Variants in FKBP5 observed in about 807,000 individuals in gnomAD.
The protein encoded by FKBP5 is FKBP prolyl isomerase 5, also known as peptidyl-prolyl cis-trans isomerase FKBP5.
In FKBP5, 23 loss-of-function variants were observed where a neutral mutation model predicts 50.5. The ratio of observed to expected loss-of-function variants is 0.46; its 90% CI spans 0.33 to 0.65. FKBP5 has a LOEUF of 0.65. FKBP5 is among the 30% of genes least tolerant of loss of function. FKBP5 has a pLI of 0.02. For missense variants in FKBP5, 411 were observed against 553.1 expected, an observed-to-expected ratio of 0.74 and a Z score of 2.58; for synonymous variants, 176 against 190.6, an observed-to-expected ratio of 0.92 and a Z score of 0.63.
intron 3 of FKBP5, among the ~76,000 whole-genome samples, chr6:35,633,404 G>A (rs758060868): frequency 3.9e-5 from 6 of 151,950 alleles, no homozygotes; most frequent in South Asian, 2.1e-4. Flanking sequence ...TTAGCCAAGC[G>A]TGGTGGGGCG....
chr6:35,658,567 C>T (rs1765022240), intron 1 of FKBP5, among the ~76,000 whole-genome samples: 1 of 152,052 alleles, frequency 6.6e-6, no homozygotes, highest in Non-Finnish European at 1.5e-5. Context: ...TCCTAGTTTG[C>T]TGAGTTTTCA....
At chr6:35,725,453 GT>G (rs1336619072) in intron 1 of FKBP5, among the ~76,000 whole-genome samples, 1 of 152,206 alleles carries the variant, frequency 6.6e-6, no homozygotes, top group Admixed American at 6.5e-5. Context: ...TCCAGACCTG[GT>G]GTGGAGACTC....
At chr6:35,614,341 G>C (rs948601183) in intron 5 of FKBP5, among the ~76,000 whole-genome samples, 1 of 152,100 alleles carries the variant, frequency 6.6e-6, no homozygotes, top group African/African-American at 2.4e-5. Flanking sequence ...AAGGATGAGG[G>C]GGAAATGACA....
chr6:35,620,819 T>A (rs965812565), intron 3 of FKBP5, among the ~76,000 whole-genome samples: 1 of 152,170 alleles, frequency 6.6e-6, no homozygotes, highest in African/African-American at 2.4e-5. Context: ...AAAAATTAAG[T>A]CTTTGAAAAC....
In FKBP5 at chr6:35,577,028, T is replaced by C. The variant is rs747710519; in HGVS notation, c.1232A>G (p.Asn411Ser). 5 of 1,614,090 alleles carry C rather than the reference T, an allele frequency of 3.1e-6. No homozygotes were observed. The highest frequency in any genetic ancestry group is 1.3e-5 in the African/African-American group (1 of 74,938). The change falls in exon 10 of 11, where the codon AAC (asparagine) becomes AGC (serine). Residue 411 changes from asparagine to serine, a missense_variant. Asn to Ser is a conservative substitution (Grantham distance 46, BLOSUM62 1). This residue lies in a region of FKBP5 where 88 missense variants were observed against 89.0 expected (regional missense o/e 0.99). Transcript: ENST00000357266. ...HNERDRRIYANMFKKFAEQDA... is the reference protein window; with the variant it reads ...HNERDRRIYASMFKKFAEQDA... Reference sequence around the variant, plus strand: ...CTGCTCTGCAAACTTCTTGAACATGTTGGCGTATATCCTGCGGTCCCGCTC... The same window carrying C: ...CTGCTCTGCAAACTTCTTGAACATGCTGGCGTATATCCTGCGGTCCCGCTC...
intron 5 of FKBP5, among the ~76,000 whole-genome samples, 157 bp from the exon 6 acceptor site, chr6:35,597,561 T>C (rs904690116): frequency 2.0e-5 from 3 of 152,202 alleles, no homozygotes; most frequent in Admixed American, 6.5e-5. Flanking sequence ...AAGCTTAGTC[T>C]ACCCAGTCTG....
At chr6:35,605,121 G>A (rs1763268028) in intron 5 of FKBP5, among the ~76,000 whole-genome samples, 1 of 151,950 alleles carries the variant, frequency 6.6e-6, no homozygotes, top group South Asian at 2.1e-4. Context: ...TTGCTCAATT[G>A]ATGAAGTTTT....
chr6:35,630,364 T>C (rs1239259726), intron 3 of FKBP5, among the ~76,000 whole-genome samples: 1 of 151,888 alleles, frequency 6.6e-6, no homozygotes, highest in Admixed American at 6.6e-5. Context: ...CTCGCCAACA[T>C]GGTGAAACCC....
chr6:35,723,030 G>A (rs1045090545), intron 1 of FKBP5, among the ~76,000 whole-genome samples: 6 of 152,118 alleles, frequency 3.9e-5, no homozygotes, highest in Non-Finnish European at 7.4e-5. Flanking sequence ...TCAGGAGATC[G>A]AGACCATCCT....
chr6:35,663,123 G>A (rs1765116946), intron 1 of FKBP5, among the ~76,000 whole-genome samples: 1 of 152,162 alleles, frequency 6.6e-6, no homozygotes, highest in Non-Finnish European at 1.5e-5. Context: ...AGTGGCTCCG[G>A]GTGGAAATGA....
At chr6:35,699,457 C>A (rs1437697836) in intron 2 of FKBP5, among the ~76,000 whole-genome samples, 1 of 152,156 alleles carries the variant, frequency 6.6e-6, no homozygotes, top group Admixed American at 6.5e-5. Flanking sequence ...TGGGGACGAC[C>A]AAGGTTACTC....
intron 2 of FKBP5, among the ~76,000 whole-genome samples, chr6:35,715,539 G>A (rs888949024): frequency 1.3e-5 from 2 of 152,222 alleles, no homozygotes; most frequent in African/African-American, 2.4e-5. Flanking sequence ...GAAAGATTTG[G>A]AGTTCCTTGC....
rs112189515 is a variant in FKBP5, at chr6:35,695,086, C to T, written c.-20+25242G>A. On this transcript the variant is annotated intron_variant, in intron 2 of 11. Transcript: ENST00000536438. ...AACCTACAGCCAATATCATACTTAA[C>T]GGTGAGAGAATGGATGCTTTCCCCA... is the stretch of plus-strand genomic sequence containing the variant. 6.0e-3 allele frequency among the ~76,000 whole-genome samples: 919 copies of T among 152,244 alleles called. 11 individuals carry two copies. The highest frequency in any genetic ancestry group is 0.02 in the African/African-American group (837 of 41,550).
At chr6:35,625,849 T>G (rs965230097) in intron 3 of FKBP5, among the ~76,000 whole-genome samples, 14 of 150,464 alleles carry the variant, frequency 9.3e-5, no homozygotes, top group African/African-American at 2.7e-4. Context: ...GCGCTATCTC[T>G]GCTCACCGCA....
intron 2 of FKBP5, among the ~76,000 whole-genome samples, chr6:35,704,186 C>G (rs1766239369): frequency 6.6e-6 from 1 of 152,180 alleles, no homozygotes. Flanking sequence ...ATTTCTCTCC[C>G]CTCCACACTG....
Position 35,614,585 on chromosome 6 carries a change from T to C in FKBP5, c.508+4511A>G, listed in dbSNP as rs1763588151. On this transcript the variant is annotated intron_variant, in intron 5 of 10. Coordinates refer to ENST00000357266, the MANE Select transcript of FKBP5 (RefSeq NM_004117.4). ...GTGTTTTGAATATACACTATAAGAC[T>C]GATGACAAAAGGTACTATAAACAAA... Among the ~76,000 whole-genome samples the C allele has an allele frequency of 2.0e-5, 3 of 152,226 alleles. No homozygotes were observed. In the South Asian group the frequency reaches 6.2e-4, roughly 32 times the overall value.
chr6:35,697,547 CAA>C (rs369940228), intron 2 of FKBP5, among the ~76,000 whole-genome samples: 7 of 124,116 alleles, frequency 5.6e-5, no homozygotes, highest in Non-Finnish European at 8.3e-5. Flanking sequence ...AACTCTGTCT[CAA>C]AAAAAAAAAA....
At chr6:35,595,525 C>A (rs1272468720) in intron 6 of FKBP5, among the ~76,000 whole-genome samples, 1 of 151,916 alleles carries the variant, frequency 6.6e-6, no homozygotes, top group Non-Finnish European at 1.5e-5. Flanking sequence ...GTGAGACAGG[C>A]GGATCACTTG....
At chr6:35,643,439 A>G (rs1764548683) in intron 1 of FKBP5, among the ~76,000 whole-genome samples, 1 of 152,094 alleles carries the variant, frequency 6.6e-6, no homozygotes, top group South Asian at 2.1e-4. Flanking sequence ...AACATATTTA[A>G]CCATTTATCA....
Sources: gnomAD v4.1 joint callset for allele counts (sites outside exome capture counted in the v4.1 genomes callset) on GRCh38, gnomAD v4.1.1 for gene constraint, gnomAD v4.1.1 regional missense constraint, MANE v1.5 for transcripts, NCBI Gene and HGNC (gene_info 2026-07-23, HGNC 2026-07-21) for gene names.